The following ADAM18 variants were observed in gnomAD, a reference collection of about 807,000 sequenced individuals.
ADAM18 encodes ADAM metallopeptidase domain 18.
ADAM18 carries 117 observed loss-of-function variants against 94.4 expected under a neutral mutation model. The observed-to-expected ratio is 1.24, with a 90% CI of 1.07 to 1.45. The LOEUF is 1.45. Among genes scored for constraint, ADAM18 ranks in the 40% most tolerant of loss-of-function variants. ADAM18 has a pLI of 0.00. For missense variants in ADAM18, 936 were observed against 880.0 expected (o/e 1.06, Z -0.81); for synonymous variants, 327 against 291.6 (o/e 1.12, Z -1.24).
chr8:39,685,953 T>C (rs1821596568), intron 16 of ADAM18, among the ~76,000 whole-genome samples: 1 of 152,170 alleles, frequency 6.6e-6, no homozygotes, highest in South Asian at 2.1e-4. Context: ...ACCTTGGTCC[T>C]CATTTCAATT....
At chr8:39,606,904 C>G (rs1209294553) in intron 3 of ADAM18, among the ~76,000 whole-genome samples, 1 of 152,124 alleles carries the variant, frequency 6.6e-6, no homozygotes, top group Non-Finnish European at 1.5e-5. Flanking sequence ...AGTGGGGGAA[C>G]TTCTGAGCCA....
In ADAM18 at chr8:39,619,424, A is replaced by G. The variant is rs554025563; in HGVS notation, c.522+8718A>G. Among the ~76,000 whole-genome samples, 8 of 152,342 alleles carry G rather than the reference A, an allele frequency of 5.3e-5. No individual in the cohort carries two copies. The South Asian group carries it at 1.7e-3, about 32-fold the overall frequency. ...GATAAGTCATATTCTGTGACACAAA[A>G]CAAGTCTTAACAAAGTTTTTAAAAA... On this transcript the variant is annotated intron_variant, in intron 6 of 19. Transcript: ENST00000265707.
chr8:39,660,817 C>T (rs1343073876), intron 12 of ADAM18, among the ~76,000 whole-genome samples: 3 of 152,076 alleles, frequency 2.0e-5, no homozygotes, highest in African/African-American at 4.8e-5. Flanking sequence ...ATAGCAAATG[C>T]AAACATTTAT....
At chr8:39,610,859 A>T (rs1819253494) in intron 6 of ADAM18, 153 bp downstream of exon 6, 2 of 1,272,610 alleles carry the variant, frequency 1.6e-6, no homozygotes, top group East Asian at 5.8e-5. Flanking sequence ...ACTTCATCTA[A>T]AATATTTGGA....
At chr8:39,654,259 G>A (rs963396478) in intron 12 of ADAM18, among the ~76,000 whole-genome samples, 3 of 148,776 alleles carry the variant, frequency 2.0e-5, no homozygotes, top group South Asian at 4.2e-4. Flanking sequence ...CCAGGTTCAC[G>A]CGATTCTCCT....
chr8:39,643,801 G>A (rs1820303548), intron 10 of ADAM18, among the ~76,000 whole-genome samples: 1 of 150,704 alleles, frequency 6.6e-6, no homozygotes, highest in Admixed American at 6.7e-5. Context: ...CTTTTTATAA[G>A]AGTGCCATTT....
At position 39,610,552 on chromosome 8, in the gene ADAM18, T is replaced by C. The variant is rs1318781120; in HGVS notation, c.368T>C (p.Ile123Thr). 3.7e-6 allele frequency: 6 copies of C among 1,607,360 alleles called. No individual in the cohort carries two copies. Among genetic ancestry groups the C allele is most frequent in the South Asian group, 1.1e-5 (1 of 89,610 alleles). The change falls in exon 6 of 20, where the codon ATC becomes ACC. Residue 123 changes from isoleucine (I) to threonine (T), a missense_variant. By Grantham distance (89) the Ile-to-Thr change is moderately conservative. Coordinates refer to ENST00000265707, the MANE Select transcript of ADAM18 (RefSeq NM_014237.3). Reference sequence around the variant, plus strand: ...AGGGGATTTCTCCAGTTTGAAAATATCAGTTATGGAATTGAACCAGTAGAA... The same window carrying C: ...AGGGGATTTCTCCAGTTTGAAAATACCAGTTATGGAATTGAACCAGTAGAA... Reference protein sequence around the residue: ...GLRGFLQFENISYGIEPVESS... With the variant: ...GLRGFLQFENTSYGIEPVESS...
At chr8:39,649,069 C>T (rs1820457805) in intron 12 of ADAM18, among the ~76,000 whole-genome samples, 1 of 151,990 alleles carries the variant, frequency 6.6e-6, no homozygotes, top group Non-Finnish European at 1.5e-5. Context: ...TTATTTTCAA[C>T]AGGTGAGATG....
intron 15 of ADAM18, among the ~76,000 whole-genome samples, chr8:39,679,276 C>T (rs1309115234): frequency 1.3e-5 from 2 of 152,008 alleles, no homozygotes; most frequent in African/African-American, 4.8e-5. Flanking sequence ...AGATCAATGG[C>T]TAAAAATGAT....
intron 2 of ADAM18, among the ~76,000 whole-genome samples, chr8:39,595,762 G>A (rs910730264): frequency 1.3e-5 from 2 of 152,138 alleles, no homozygotes; most frequent in Non-Finnish European, 2.9e-5. Context: ...GACCTCAAGT[G>A]ATCCACCCAC....
intron 13 of ADAM18, 89 bp downstream of exon 13, chr8:39,663,979 T>C: frequency 1.2e-6 from 1 of 836,760 alleles, no homozygotes; most frequent in South Asian, 1.7e-5. Context: ...ATAAAAAGAA[T>C]ATATAAGGAA....
chr8:39,693,993 G>A (rs919401062), intron 17 of ADAM18, among the ~76,000 whole-genome samples: 1 of 151,094 alleles, frequency 6.6e-6, no homozygotes, highest in African/African-American at 2.4e-5. Context: ...AGTTATAATA[G>A]AGTTGTTCTC....
intron 16 of ADAM18, among the ~76,000 whole-genome samples, chr8:39,691,434 A>T (rs935075830): frequency 2.0e-5 from 3 of 152,128 alleles, no homozygotes; most frequent in African/African-American, 7.2e-5. Context: ...AAAACTAAAA[A>T]TAGAGCTACC....
At chr8:39,695,632 G>A (rs1210246414) in intron 17 of ADAM18, among the ~76,000 whole-genome samples, 1 of 150,744 alleles carries the variant, frequency 6.6e-6, no homozygotes, top group Non-Finnish European at 1.5e-5. Flanking sequence ...TCTACTTGAG[G>A]TTTATATGAA....
At chr8:39,714,725 A>G (rs756206879) in intron 18 of ADAM18, among the ~76,000 whole-genome samples, 11 of 152,270 alleles carry the variant, frequency 7.2e-5, no homozygotes, top group Non-Finnish European at 1.3e-4. Flanking sequence ...GTAGAAAATC[A>G]GTAAGTATAG....
chr8:39,689,646 C>T (rs951448887), intron 16 of ADAM18, among the ~76,000 whole-genome samples: 5 of 152,082 alleles, frequency 3.3e-5, no homozygotes, highest in African/African-American at 7.2e-5. Flanking sequence ...CAGCTTTGTT[C>T]GCTTTGCATA....
At chr8:39,659,394 CA>C (rs1223993996) in intron 12 of ADAM18, among the ~76,000 whole-genome samples, 3 of 150,052 alleles carry the variant, frequency 2.0e-5, no homozygotes, top group Non-Finnish European at 4.4e-5. Context: ...AGCAAATACA[CA>C]AAAAAGCAAG....
chr8:39,671,263 G>T (rs932154983), intron 14 of ADAM18, among the ~76,000 whole-genome samples: 2 of 152,210 alleles, frequency 1.3e-5, no homozygotes, highest in Non-Finnish European at 2.9e-5. Flanking sequence ...TCTCTCAGCA[G>T]ATTGGGATAG....
At chr8:39,673,083 T>G (rs558702391) in intron 14 of ADAM18, among the ~76,000 whole-genome samples, 1 of 152,344 alleles carries the variant, frequency 6.6e-6, no homozygotes, top group Admixed American at 6.5e-5. Context: ...AGTGCTACTT[T>G]TAAAGATCTA....
Sources: allele counts gnomAD v4.1 joint callset (sites outside exome capture counted in the v4.1 genomes callset), GRCh38; gene constraint gnomAD v4.1.1; transcripts MANE v1.5; gene names NCBI Gene and HGNC (gene_info 2026-07-23, HGNC 2026-07-21).